The following PTPN2 variants were observed in gnomAD, a reference collection of about 807,000 sequenced individuals.
PTPN2 encodes protein tyrosine phosphatase non-receptor type 2, also known as tyrosine-protein phosphatase non-receptor type 2.
Under a neutral mutation model 57.3 loss-of-function variants are expected in PTPN2, and 19 were observed. The ratio of observed to expected loss-of-function variants is 0.33; its 90% confidence interval spans 0.23 to 0.49. The LOEUF (loss-of-function observed/expected upper bound fraction) is 0.49. PTPN2 is among the 20% of genes least tolerant of loss of function. PTPN2 has a pLI of 0.99. For synonymous variants in PTPN2, 153 were observed against 164.9 expected (o/e 0.93, Z 0.55); for missense variants, 358 against 501.1 (o/e 0.71, Z 2.73).
In PTPN2 at chr18:12,884,112, T is replaced by C; in HGVS notation, c.30A>G (p.Glu10=). 1 of 1,589,070 alleles carries C rather than the reference T, an allele frequency of 6.3e-7. No individual in the cohort carries two copies. The stretch of plus-strand genomic sequence containing the variant: ...GCCAGCGACGCTGAGTATCCAACTC[T>C]TCGAACTCCCGCTCGATGGTGGTGG... MPTTIEREF[E]ELDTQRRWQP... is the part of the protein sequence containing the mutation. The change falls in exon 1 of 9, where the codon GAA becomes GAG. Residue 10 remains glutamate, a synonymous_variant. Coordinates refer to ENST00000309660, the MANE Select transcript of PTPN2 (RefSeq NM_002828.4).
intron 2 of PTPN2, among the ~76,000 whole-genome samples, chr18:12,854,389 G>C (rs1455639928): frequency 1.4e-5 from 2 of 147,170 alleles, no homozygotes; most frequent in Admixed American, 1.4e-4. Flanking sequence ...AAAAGAAAAA[G>C]AAATAGGAAT....
chr18:12,825,954 G>C lies in PTPN2; in HGVS notation c.361-10C>G. ...ACTGTGCACATTTAACCTAAATTTA[G>C]AAATATGTATATGATTTTTTTTTAG... On this transcript the variant is annotated splice_polypyrimidine_tract_variant and intron_variant, in intron 4 of 8. Coordinates refer to ENST00000309660, the MANE Select transcript of PTPN2 (RefSeq NM_002828.4). 1 of 1,578,810 alleles carries C rather than the reference G, an allele frequency of 6.3e-7. No homozygotes were observed. The highest frequency in any genetic ancestry group is 8.6e-7 in the Non-Finnish European group (1 of 1,162,236).
chr18:12,863,554 G>C (rs398088977), intron 1 of PTPN2: 7 of 45,726 alleles, frequency 1.5e-4, no homozygotes, highest in Non-Finnish European at 2.3e-4. Flanking sequence ...TTTTTTTTGG[G>C]GGGGGGGGGG....
intron 8 of PTPN2, among the ~76,000 whole-genome samples, chr18:12,797,260 T>C (rs2041226266): frequency 6.6e-6 from 1 of 152,074 alleles, no homozygotes; most frequent in African/African-American, 2.4e-5. Context: ...TTAGATATAA[T>C]CTTTAACGTA....
rs1276711486 is a variant in PTPN2 at position 12,884,134 on chromosome 18, G to C, written c.8C>G (p.Thr3Ser). 5 of 1,585,728 alleles carry C rather than the reference G, an allele frequency of 3.2e-6. No individual in the cohort carries two copies. The highest frequency in any genetic ancestry group is 1.8e-5 in the Admixed American group (1 of 56,460). Residue 3 changes from threonine to serine, a missense_variant, in exon 1 of 9, where the codon ACC becomes AGC. Thr to Ser is a moderately conservative substitution (Grantham distance 58). Around this residue, in one of 4 missense-constraint regions of PTPN2, gnomAD observed 62 missense variants for 47.9 expected, o/e 1.29. Transcript: ENST00000309660. Reference protein sequence around the residue: MPTTIEREFEELD... With the variant: MPSTIEREFEELD... ...CTCTTCGAACTCCCGCTCGATGGTG[G>C]TGGGCATGGCTGCGGGAGCGAGCTG...
chr18:12,792,829 G>T lies in PTPN2; in HGVS notation c.*1449C>A. 1 of 790,014 alleles carries T rather than the reference G, an allele frequency of 1.3e-6. No individual in the cohort carries two copies. The highest frequency in any genetic ancestry group is 5.8e-5 in the South Asian group (1 of 17,342). The allele number at this position is 790,014 out of a possible 1,614,324, so 48.9% of individuals were successfully genotyped here. A position where few individuals can be genotyped will look rare whatever the true frequency, so the allele number is the denominator to read the frequency against. ...TGGTCTTGAACTCCTGACCTCAGGT[G>T]ATCTGCCCACTTCAGCCTCCCAAAG... On this transcript the variant is annotated 3_prime_UTR_variant, in exon 9 of 9. Transcript: ENST00000309660.
chr18:12,807,313 C>A (rs536484344), intron 7 of PTPN2, among the ~76,000 whole-genome samples: 1 of 151,754 alleles, frequency 6.6e-6, no homozygotes, highest in African/African-American at 2.4e-5. Flanking sequence ...GAAAGGGGAA[C>A]TCTTGTACAC....
At chr18:12,791,114 T>A (rs1030749162), downstream of PTPN2, among the ~76,000 whole-genome samples, 1 of 152,244 alleles carries the variant, frequency 6.6e-6, no homozygotes, top group African/African-American at 2.4e-5. Context: ...ACATTCTATA[T>A]ATGTGCAAGC....
intron 2 of PTPN2, among the ~76,000 whole-genome samples, chr18:12,849,913 T>C (rs1348442741): frequency 6.6e-6 from 1 of 152,168 alleles, no homozygotes; most frequent in Non-Finnish European, 1.5e-5. Context: ...GTTGGCAGTA[T>C]TCAATTCACG....
At chr18:12,841,227 T>C (rs1386252009) in intron 2 of PTPN2, among the ~76,000 whole-genome samples, 1 of 152,110 alleles carries the variant, frequency 6.6e-6, no homozygotes, top group Non-Finnish European at 1.5e-5. Flanking sequence ...GGGAATGGTG[T>C]AGCGGCAGGA....
chr18:12,878,719 CTAAT>C (rs2145544338), intron 1 of PTPN2, among the ~76,000 whole-genome samples: 1 of 152,208 alleles, frequency 6.6e-6, no homozygotes, highest in Admixed American at 6.5e-5. Context: ...TTTATAAACC[CTAAT>C]TAATCAACCA....
Position 12,840,664 on chromosome 18 carries a change from A to G in PTPN2, c.161-3773T>C, listed in dbSNP as rs763238642. 6 of 1,582,308 alleles carry G rather than the reference A, an allele frequency of 3.8e-6. No individual in the cohort carries two copies. In the East Asian group the frequency reaches 1.3e-4, roughly 36 times the overall value. ...GAAGTCAAGTCATCACAAGTGTAAC[A>G]CACTAGAGCACAAAAATGAAACCTA... On this transcript the variant is annotated intron_variant, in intron 2 of 8. Transcript: ENST00000309660.
chr18:12,842,452 GA>G (rs944162083), intron 2 of PTPN2, among the ~76,000 whole-genome samples: 5 of 152,194 alleles, frequency 3.3e-5, no homozygotes. Flanking sequence ...CAGCGCTGGG[GA>G]GAGGGGCAGG....
At chr18:12,870,258 C>CAT (rs146860865) in intron 1 of PTPN2, among the ~76,000 whole-genome samples, 3,416 of 99,450 alleles carry the variant, frequency 0.034, 324 homozygotes, top group East Asian at 0.063. Context: ...TTAACTTTAG[C>CAT]ATATATATAT....
intron 6 of PTPN2, 49 bp downstream of exon 6, chr18:12,817,107 T>A (rs191920064): frequency 0.018 from 23,734 of 1,291,986 alleles, 151 homozygotes; most frequent in Non-Finnish European, 0.019. Context: ...GGAAGCAATT[T>A]AAAAAAAAAA....
At chr18:12,815,229 T>C (rs2042034027) in intron 6 of PTPN2, among the ~76,000 whole-genome samples, 1 of 151,740 alleles carries the variant, frequency 6.6e-6, no homozygotes, top group African/African-American at 2.4e-5. Flanking sequence ...CTGGACAACA[T>C]GGTAAAACCC....
chr18:12,838,904 AC>A (rs2042957480), intron 2 of PTPN2, among the ~76,000 whole-genome samples: 1 of 150,258 alleles, frequency 6.7e-6, no homozygotes, highest in Non-Finnish European at 1.5e-5. Flanking sequence ...AAAATGAAAA[AC>A]AATTTAAAAA....
chr18:12,842,650 G>A (rs2047512027), intron 2 of PTPN2, among the ~76,000 whole-genome samples: 1 of 152,198 alleles, frequency 6.6e-6, no homozygotes, highest in African/African-American at 2.4e-5. Flanking sequence ...TGAAGAATGT[G>A]GCTGGAGCCA....
chr18:12,828,337 T>G (rs1051359781), intron 4 of PTPN2, among the ~76,000 whole-genome samples: 2 of 152,200 alleles, frequency 1.3e-5, no homozygotes, highest in African/African-American at 4.8e-5. Flanking sequence ...AAATAATGCT[T>G]GCTTGTAGAA....
Sources: gnomAD v4.1 joint callset for allele counts (sites outside exome capture counted in the v4.1 genomes callset) on GRCh38, gnomAD v4.1.1 for gene constraint, gnomAD v4.1.1 regional missense constraint, MANE v1.5 for transcripts, NCBI Gene and HGNC (gene_info 2026-07-23, HGNC 2026-07-21) for gene names.